Variants in PPARA observed in about 807,000 individuals in gnomAD.
PPARA encodes peroxisome proliferator-activated receptor alpha.
A neutral mutation model predicts 42.2 loss-of-function variants in PPARA; 22 were observed. The observed-to-expected ratio is 0.52, with a 90% confidence interval of 0.37 to 0.74. The LOEUF (loss-of-function observed/expected upper bound fraction) is 0.74. Ranked by LOEUF, PPARA falls within the 30% of genes least tolerant of loss-of-function variation. The pLI, the probability that PPARA is intolerant of heterozygous loss-of-function variation, is 0.00. For missense variants in PPARA, 465 were observed against 608.2 expected (o/e 0.76, Z 2.48); for synonymous variants, 242 against 239.3 (o/e 1.01, Z -0.10).
Position 46,236,152 on chromosome 22 carries a change from CAGG to C in PPARA, c.*775_*777del, listed in dbSNP as rs1169276953. The C allele has an allele frequency of 6.5e-6, 1 of 152,810 alleles. No homozygotes were observed. Among genetic ancestry groups the C allele is most frequent in the Non-Finnish European group, 1.5e-5 (1 of 68,416 alleles). The allele number at this position is 152,810 out of a possible 1,614,324, so 9.5% of individuals were successfully genotyped here. On this transcript the variant is annotated 3_prime_UTR_variant, in exon 9 of 9. Transcript: ENST00000407236. The surrounding 1 kb of genome is among the most constrained non-coding windows in gnomAD (Gnocchi z 5.2). Reference sequence around the variant, plus strand: ...ATCCCAGCTACTCGGGAAGCTGAGGCAGGAGAATTGCTTGAACCAGGGAGTTGG... The same window carrying C: ...ATCCCAGCTACTCGGGAAGCTGAGGCAGAATTGCTTGAACCAGGGAGTTGG...
intron 7 of PPARA, among the ~76,000 whole-genome samples, chr22:46,228,232 T>C (rs1412958234): frequency 6.6e-6 from 1 of 152,200 alleles, no homozygotes; most frequent in Non-Finnish European, 1.5e-5. Flanking sequence ...AAATTCATAA[T>C]CATCTTTGAA....
intron 4 of PPARA, among the ~76,000 whole-genome samples, chr22:46,206,921 A>T (rs1003095502): frequency 2.6e-5 from 4 of 152,074 alleles, no homozygotes; most frequent in African/African-American, 9.7e-5. Flanking sequence ...CCTTCATTCT[A>T]GAAAGTATGT....
chr22:46,197,106 G>A (rs1932343092), intron 3 of PPARA, among the ~76,000 whole-genome samples: 1 of 151,366 alleles, frequency 6.6e-6, no homozygotes, highest in Non-Finnish European at 1.5e-5. Context: ...CTAGAGTGTG[G>A]TGGCACCATC....
rs576728029 is a variant in PPARA, at chr22:46,198,433, G to A, written c.50G>A (p.Gly17Asp). 3.7e-6 allele frequency: 6 copies of A among 1,613,800 alleles called. No homozygotes were observed. The South Asian group carries it at 6.6e-5, about 18-fold the overall frequency. Residue 17 changes from glycine (G) to aspartate (D), a missense_variant, in exon 4 of 9, where the codon GGC becomes GAC. Coordinates refer to ENST00000407236, the MANE Select transcript of PPARA (RefSeq NM_005036.6). ...TGCCCCCTCTCCCCACTCGAGGCCG[G>A]CGATCTAGAGAGCCCGTTATCTGAA... ...PLCPLSPLEA[G>D]DLESPLSEEF... is the part of the protein sequence containing the mutation.
At chr22:46,157,346 A>G (rs1187467313) in intron 2 of PPARA, among the ~76,000 whole-genome samples, 1 of 152,220 alleles carries the variant, frequency 6.6e-6, no homozygotes, top group Admixed American at 6.5e-5. Flanking sequence ...GAGTGCAGAC[A>G]GCGGCACCTA....
chr22:46,197,811 G>C (rs1239706459), intron 3 of PPARA, among the ~76,000 whole-genome samples: 2 of 152,066 alleles, frequency 1.3e-5, no homozygotes, highest in Non-Finnish European at 2.9e-5. Flanking sequence ...GGCTGAGGCA[G>C]GAGAATTGCT....
chr22:46,194,569 T>C (rs75136352), intron 3 of PPARA, among the ~76,000 whole-genome samples: 1 of 82,810 alleles, frequency 1.2e-5, no homozygotes, highest in African/African-American at 5.7e-5. Flanking sequence ...TGCTTTTTCC[T>C]TTTTTTTTTT....
rs956120142 is a variant in PPARA at position 46,180,734 on chromosome 22, C to T, written c.-43+3898C>T. On this transcript the variant is annotated intron_variant, in intron 3 of 8. Coordinates refer to ENST00000407236, the MANE Select transcript of PPARA (RefSeq NM_005036.6). The surrounding 1 kb of genome is among the most constrained non-coding windows in gnomAD (Gnocchi z 4.2). ...GATGCAAGTCCACTGAGCCAGTGTACACCTTAAATAAATCCTCCTGAACCC... is the reference window on the plus strand; with the variant it reads ...GATGCAAGTCCACTGAGCCAGTGTATACCTTAAATAAATCCTCCTGAACCC... 6.6e-6 allele frequency among the ~76,000 whole-genome samples: 1 copy of T among 152,170 alleles called. No homozygotes were observed. The highest frequency in any genetic ancestry group is 1.5e-5 in the Non-Finnish European group (1 of 68,040).
At chr22:46,226,097 T>C (rs5767743) in intron 7 of PPARA, among the ~76,000 whole-genome samples, 53,083 of 151,570 alleles carry the variant, frequency 0.35, 12,806 homozygotes, top group African/African-American at 0.69. Context: ...TGCACACACA[T>C]ACCCTCACCT....
chr22:46,232,770 G>A lies in PPARA; in HGVS notation c.1159+531G>A, dbSNP rs1258223679. Among the ~76,000 whole-genome samples, 1 of 151,314 alleles carries A rather than the reference G, an allele frequency of 6.6e-6. No individual in the cohort carries two copies. Among genetic ancestry groups the A allele is most frequent in the Non-Finnish European group, 1.5e-5 (1 of 67,868 alleles). On this transcript the variant is annotated intron_variant, in intron 8 of 8. Transcript: ENST00000407236. The surrounding 1 kb of genome is among the most constrained non-coding windows in gnomAD (Gnocchi z 5.3). ...GTGGGTGGATCACTTGAGCCCAGGA[G>A]GTTGAGACCAGCCTGGGCAACATGG...
At position 46,170,522 on chromosome 22, in the gene PPARA, T is replaced by G. The variant is rs556140972; in HGVS notation, c.-126-6231T>G. On this transcript the variant is annotated intron_variant, in intron 2 of 8. Transcript: ENST00000407236. The stretch of plus-strand genomic sequence containing the variant: ...TCTCAGCCTCCCAAAGTGCTGGGAT[T>G]ACAGGTGTGAGCCACTGCACCGGTC... Among the ~76,000 whole-genome samples, 58 of 150,000 alleles carry G rather than the reference T, an allele frequency of 3.9e-4. No individual in the cohort carries two copies. The South Asian group carries it at 0.011, about 29-fold the overall frequency.
Position 46,174,784 on chromosome 22 carries a change from T to C in PPARA, c.-126-1969T>C, listed in dbSNP as rs944682021. The stretch of plus-strand genomic sequence containing the variant: ...GTGAACCATGATCACACTAAAGCAC[T>C]CTAGCCTGGGCAACAGAGCAAGACC... On this transcript the variant is annotated intron_variant, in intron 2 of 8. Coordinates refer to ENST00000407236, the MANE Select transcript of PPARA (RefSeq NM_005036.6). 3.9e-5 allele frequency among the ~76,000 whole-genome samples: 6 copies of C among 152,108 alleles called. No individual in the cohort carries two copies. The East Asian group carries it at 9.7e-4, about 25-fold the overall frequency.
At chr22:46,215,082 C>G (rs549659853) in intron 4 of PPARA, 91 bp from the exon 5 acceptor site, 1 of 1,511,888 alleles carries the variant, frequency 6.6e-7, no homozygotes, top group Non-Finnish European at 9.2e-7. Context: ...CACTAGAAGC[C>G]TCGTATGCGA....
At chr22:46,208,781 G>A (rs1390535548) in intron 4 of PPARA, among the ~76,000 whole-genome samples, 1 of 152,036 alleles carries the variant, frequency 6.6e-6, no homozygotes, top group Admixed American at 6.6e-5. Context: ...TTTCACATAT[G>A]AGATCACATG....
At chr22:46,218,187 A>G (rs1934669496) in intron 5 of PPARA, 76 bp from the exon 6 acceptor site, 2 of 1,569,296 alleles carry the variant, frequency 1.3e-6, no homozygotes, top group African/African-American at 1.4e-5. Context: ...ATGAGCAACA[A>G]AAAAGGTGAG....
chr22:46,186,087 G>A (rs1930762488), intron 3 of PPARA, among the ~76,000 whole-genome samples: 1 of 150,280 alleles, frequency 6.7e-6, no homozygotes, highest in Admixed American at 6.7e-5. Context: ...AAGTTAAAGG[G>A]AAAGGGCCTT....
rs1413669159 is a variant in PPARA at position 46,240,455 on chromosome 22, C to T, written c.*5075C>T. On this transcript the variant is annotated 3_prime_UTR_variant, in exon 9 of 9. Transcript: ENST00000407236. The surrounding 1 kb of genome is among the most constrained non-coding windows in gnomAD (Gnocchi z 6.0). ...GCAGCCTTGTCCTCAGCTCCCATCT[C>T]CTGGACTGCCAGCCTCACCCTCTGC... 5 of 392,804 alleles carry T rather than the reference C, an allele frequency of 1.3e-5. No individual in the cohort carries two copies. The highest frequency in any genetic ancestry group is 1.0e-4 in the African/African-American group (5 of 48,536). 24.3% of individuals were successfully genotyped at this position (392,804 alleles called of 1,614,324 possible).
Position 46,200,640 on chromosome 22 carries a change from G to A in PPARA, c.208+2049G>A, listed in dbSNP as rs533297113. Among the ~76,000 whole-genome samples the A allele has an allele frequency of 6.6e-6, 1 of 152,396 alleles. No individual in the cohort carries two copies. Among genetic ancestry groups the A allele is most frequent in the African/African-American group, 2.4e-5 (1 of 41,602 alleles). ...CAGAGAAATTAAGTAACTTGGCTGG[G>A]CGCAGTGGCTCACGCCTGTAATCCC... is the stretch of plus-strand genomic sequence containing the variant. On this transcript the variant is annotated intron_variant, in intron 4 of 8. Transcript: ENST00000407236. This position sits in a 1 kb window ranked among gnomAD's most constrained non-coding sequence, Gnocchi z 4.8.
chr22:46,202,016 T>C (rs915744836), intron 4 of PPARA, among the ~76,000 whole-genome samples: 1 of 152,200 alleles, frequency 6.6e-6, no homozygotes, highest in Non-Finnish European at 1.5e-5. Flanking sequence ...AGAGATACAC[T>C]TTTTTCTTTG....
Sources: allele counts gnomAD v4.1 joint callset (sites outside exome capture counted in the v4.1 genomes callset), GRCh38; gene constraint gnomAD v4.1.1; non-coding constraint Gnocchi (gnomAD v3.1); transcripts MANE v1.5; gene names NCBI Gene and HGNC (gene_info 2026-07-23, HGNC 2026-07-21).